The following RAB18 variants were observed in gnomAD, a reference collection of about 807,000 sequenced individuals.
RAB18 encodes the protein RAB18, member RAS oncogene family.
In RAB18, 10 loss-of-function variants were observed where a neutral mutation model predicts 28.5. The observed-to-expected ratio is 0.35, with a 90% CI of 0.22 to 0.60. RAB18 has a LOEUF of 0.60. Ranked by LOEUF, RAB18 falls within the 20% of genes least tolerant of loss-of-function variation. The pLI is 0.78. For missense variants in RAB18, 188 were observed against 244.2 expected (o/e 0.77, Z 1.53); for synonymous variants, 93 against 86.9 (o/e 1.07, Z -0.39).
Position 27,538,016 on chromosome 10 carries a change from G to A in RAB18, c.586G>A (p.Gly196Arg). ...KLSHREEGQG[G>R]GACGGYCSVL ...GTCACACAGGGAAGAAGGCCAAGGA[G>A]GAGGAGCCTGTGGTGGTTATTGCTC... Residue 196 changes from glycine to arginine, a missense_variant, in exon 7 of 7, where the codon GGA (glycine) becomes AGA (arginine). By Grantham distance (125) the Gly-to-Arg change is moderately radical. Transcript: ENST00000356940. The A allele has an allele frequency of 1.2e-6, 2 of 1,614,144 alleles. No homozygotes were observed. Among genetic ancestry groups the A allele is most frequent in the East Asian group, 2.2e-5 (1 of 44,878 alleles).
intron 2 of RAB18, among the ~76,000 whole-genome samples, chr10:27,514,488 G>T (rs1377416336): frequency 1.3e-5 from 2 of 152,008 alleles, no homozygotes; most frequent in African/African-American, 4.8e-5. Flanking sequence ...AAATGAAGAT[G>T]AAATTGAAAG....
At position 27,504,316 on chromosome 10, in the gene RAB18, G is replaced by T. The variant is rs1050875764; in HGVS notation, c.-54G>T. On this transcript the variant is annotated 5_prime_UTR_variant, in exon 1 of 7. Transcript: ENST00000356940. ...TGCGCAGCAGCTCACTCTGCTGAAG[G>T]GCTGAGAGGCGCACCCGGGCGGCCA... 4 of 1,528,790 alleles carry T rather than the reference G, an allele frequency of 2.6e-6. No homozygotes were observed. Among genetic ancestry groups the T allele is most frequent in the Admixed American group, 3.9e-5 (2 of 51,134 alleles). The allele number at this position is 1,528,790 out of a possible 1,614,324, so 94.7% of individuals were successfully genotyped here. A position where few individuals can be genotyped will look rare whatever the true frequency, so the allele number is the denominator to read the frequency against.
chr10:27,511,958 T>G (rs1834333336), intron 2 of RAB18, among the ~76,000 whole-genome samples: 1 of 152,150 alleles, frequency 6.6e-6, no homozygotes, highest in Admixed American at 6.5e-5. Flanking sequence ...AGAGCTCTTT[T>G]TTTTTCTTTT....
chr10:27,513,032 ATT>A lies in RAB18; in HGVS notation c.124+3117_124+3118del, dbSNP rs1554899531. ...GGTAATAACATATATATATATATATATTTTTTTTTTTTTTTTGGAGACAAGAG... is the reference window on the plus strand; with the variant it reads ...GGTAATAACATATATATATATATATATTTTTTTTTTTTTTGGAGACAAGAG... On this transcript the variant is annotated intron_variant, in intron 2 of 6. Coordinates refer to ENST00000356940, the MANE Select transcript of RAB18 (RefSeq NM_021252.5). Among the ~76,000 whole-genome samples, 182 of 142,480 alleles carry A rather than the reference ATT, an allele frequency of 1.3e-3. 1 individual carries two copies. Among genetic ancestry groups the A allele is most frequent in the African/African-American group, 4.0e-3 (153 of 38,534 alleles). The allele number at this position is 142,480 out of a possible 152,430, so 93.5% of individuals were successfully genotyped here. A position where few individuals can be genotyped will look rare whatever the true frequency, so the allele number is the denominator to read the frequency against.
intron 1 of RAB18, 27 bp from the exon 2 acceptor site, chr10:27,509,848 A>G: frequency 1.3e-6 from 2 of 1,593,826 alleles, no homozygotes; most frequent in Non-Finnish European, 1.7e-6. Context: ...TCAAGTTCCC[A>G]ACCTGTCTTT....
In RAB18 at chr10:27,538,898, T is replaced by C. The variant is rs1318555263; in HGVS notation, c.*847T>C. On this transcript the variant is annotated 3_prime_UTR_variant, in exon 7 of 7. Coordinates refer to ENST00000356940, the MANE Select transcript of RAB18 (RefSeq NM_021252.5). ...TGTTGGTAGTGTTTGTCCAGGTACCTTAACTGTAGCTTGTGTAATGTTGAT... is the reference window on the plus strand; with the variant it reads ...TGTTGGTAGTGTTTGTCCAGGTACCCTAACTGTAGCTTGTGTAATGTTGAT... 2.2e-6 allele frequency: 1 copy of C among 454,012 alleles called. No homozygotes were observed. The highest frequency in any genetic ancestry group is 6.9e-5 in the East Asian group (1 of 14,398). The allele number at this position is 454,012 out of a possible 1,614,324, so 28.1% of individuals were successfully genotyped here.
chr10:27,539,739 T>C lies in RAB18; in HGVS notation c.*1688T>C, dbSNP rs1382102823. The stretch of plus-strand genomic sequence containing the variant: ...GGTCTAAATTTGAATATATATGAGT[T>C]ACTTGAATATAACAAAAATGAATTT... On this transcript the variant is annotated 3_prime_UTR_variant, in exon 7 of 7. Coordinates refer to ENST00000356940, the MANE Select transcript of RAB18 (RefSeq NM_021252.5). The C allele has an allele frequency of 2.2e-6, 1 of 451,080 alleles. No homozygotes were observed. Among genetic ancestry groups the C allele is most frequent in the Admixed American group, 2.4e-5 (1 of 42,020 alleles). The allele number at this position is 451,080 out of a possible 1,614,324, so 27.9% of individuals were successfully genotyped here. A position where few individuals can be genotyped will look rare whatever the true frequency, so the allele number is the denominator to read the frequency against.
In RAB18 at chr10:27,540,354, T is replaced by C; in HGVS notation, c.*2303T>C. ...ATAGCTACTCAGTCACTGAGCTGGA[T>C]TCCAGTCATGGCATTTTTACTTCTG... On this transcript the variant is annotated 3_prime_UTR_variant, in exon 7 of 7. Coordinates refer to ENST00000356940, the MANE Select transcript of RAB18 (RefSeq NM_021252.5). 1 of 454,098 alleles carries C rather than the reference T, an allele frequency of 2.2e-6. No individual in the cohort carries two copies. The highest frequency in any genetic ancestry group is 1.6e-5 in the South Asian group (1 of 64,470). The allele number at this position is 454,098 out of a possible 1,614,324, so 28.1% of individuals were successfully genotyped here. A position where few individuals can be genotyped will look rare whatever the true frequency, so the allele number is the denominator to read the frequency against.
chr10:27,520,916 CAAAAAAAAAAAA>C lies in RAB18; in HGVS notation c.125-5898_125-5887del, dbSNP rs58688075. 8.0e-3 allele frequency among the ~76,000 whole-genome samples: 320 copies of C among 40,118 alleles called. 1 individual carries two copies. Among genetic ancestry groups the C allele is most frequent in the African/African-American group, 0.03 (308 of 10,180 alleles). 26.3% of individuals were successfully genotyped at this position (40,118 alleles called of 152,430 possible). A position where few individuals can be genotyped will look rare whatever the true frequency, so the allele number is the denominator to read the frequency against. On this transcript the variant is annotated intron_variant, in intron 2 of 6. Transcript: ENST00000356940. ...TGGGTGACAGAGCAAGACTCCATCT[CAAAAAAAAAAAA>C]AAAAAAAAAAAAAGAAAATTTTTTT...
chr10:27,541,922 G>T lies in RAB18; in HGVS notation c.*3871G>T. 2.2e-6 allele frequency: 1 copy of T among 453,064 alleles called. No homozygotes were observed. The highest frequency in any genetic ancestry group is 1.6e-5 in the South Asian group (1 of 64,400). The allele number at this position is 453,064 out of a possible 1,614,324, so 28.1% of individuals were successfully genotyped here. On this transcript the variant is annotated 3_prime_UTR_variant, in exon 7 of 7. Transcript: ENST00000356940. ...ATTAACCCAGTTACCTTTTAGCAGTGCCCCACTTCCCCAGTAGCAATGGTT... is the reference window on the plus strand; with the variant it reads ...ATTAACCCAGTTACCTTTTAGCAGTTCCCCACTTCCCCAGTAGCAATGGTT...
intron 1 of RAB18, chr10:27,505,017 A>T (rs1194112716): frequency 3.7e-6 from 2 of 533,406 alleles, no homozygotes; most frequent in Non-Finnish European, 7.7e-6. Flanking sequence ...CTGCTGGAAA[A>T]TTTCGCTTTA....
Position 27,539,896 on chromosome 10 carries a change from G to A in RAB18, c.*1845G>A, listed in dbSNP as rs186064414. 16 of 453,372 alleles carry A rather than the reference G, an allele frequency of 3.5e-5. No individual in the cohort carries two copies. Among genetic ancestry groups the A allele is most frequent in the Non-Finnish European group, 7.1e-5 (16 of 226,610 alleles). 28.1% of individuals were successfully genotyped at this position (453,372 alleles called of 1,614,324 possible). A position where few individuals can be genotyped will look rare whatever the true frequency, so the allele number is the denominator to read the frequency against. Reference sequence around the variant, plus strand: ...CATCAGCTGAAGAATATGTACTATTGTGTTACTCAAATTATGTGGCTTTCA... The same window carrying A: ...CATCAGCTGAAGAATATGTACTATTATGTTACTCAAATTATGTGGCTTTCA... On this transcript the variant is annotated 3_prime_UTR_variant, in exon 7 of 7. Transcript: ENST00000356940.
rs886046981 is a variant in RAB18, at chr10:27,541,978, A to G, written c.*3927A>G. ...GTAGGCACCTGACCCAGACCAGACT[A>G]CTGAGATAAAGATGTTTGCCTAGGC... On this transcript the variant is annotated 3_prime_UTR_variant, in exon 7 of 7. Transcript: ENST00000356940. The G allele has an allele frequency of 6.4e-5, 29 of 454,046 alleles. No homozygotes were observed. Among genetic ancestry groups the G allele is most frequent in the Admixed American group, 5.4e-4 (23 of 42,558 alleles). 28.1% of individuals were successfully genotyped at this position (454,046 alleles called of 1,614,324 possible).
chr10:27,532,617 A>C, intron 4 of RAB18, 38 bp downstream of exon 4: 1 of 1,467,032 alleles, frequency 6.8e-7, no homozygotes, highest in Non-Finnish European at 9.5e-7. Flanking sequence ...AAAAATATTT[A>C]TTGGAGTTTC....
intron 4 of RAB18, among the ~76,000 whole-genome samples, chr10:27,532,934 G>A (rs763953753): frequency 1.5e-4 from 23 of 152,040 alleles, no homozygotes; most frequent in Admixed American, 3.3e-4. Context: ...AAAAGTATTT[G>A]TTGATTAGTA....
In RAB18 at chr10:27,541,573, G is replaced by A. The variant is rs1363330692; in HGVS notation, c.*3522G>A. 6.6e-6 allele frequency: 3 copies of A among 453,150 alleles called. No individual in the cohort carries two copies. Among genetic ancestry groups the A allele is most frequent in the Non-Finnish European group, 8.8e-6 (2 of 226,682 alleles). The allele number at this position is 453,150 out of a possible 1,614,324, so 28.1% of individuals were successfully genotyped here. The stretch of plus-strand genomic sequence containing the variant: ...ACCTACACACATATTTTGAATAGTC[G>A]TGTGTTCATGCCTGTTCTCAGTCTT... On this transcript the variant is annotated 3_prime_UTR_variant, in exon 7 of 7. Transcript: ENST00000356940.
Position 27,513,166 on chromosome 10 carries a change from C to CTT in RAB18, c.124+3237_124+3238insTT, listed in dbSNP as rs1357737919. Among the ~76,000 whole-genome samples, 7 of 151,888 alleles carry CTT rather than the reference C, an allele frequency of 4.6e-5. No individual in the cohort carries two copies. The East Asian group carries it at 1.4e-3, about 29-fold the overall frequency. On this transcript the variant is annotated intron_variant, in intron 2 of 6. Transcript: ENST00000356940. ...TCTTCTGCCTCAGCCTCCCAAGAAG[C>CTT]TGGGATTGCAGGTGTGTGCCACCAT... is the stretch of plus-strand genomic sequence containing the variant.
At chr10:27,515,997 T>C (rs1284479730) in intron 2 of RAB18, among the ~76,000 whole-genome samples, 1 of 152,194 alleles carries the variant, frequency 6.6e-6, no homozygotes, top group Non-Finnish European at 1.5e-5. Flanking sequence ...TGTCTATTTT[T>C]GTTGTCTTTT....
chr10:27,517,217 G>A (rs974435048), intron 2 of RAB18, among the ~76,000 whole-genome samples: 2 of 151,988 alleles, frequency 1.3e-5, no homozygotes, highest in Admixed American at 6.6e-5. Flanking sequence ...ACAAAAATTA[G>A]CCAGGCATGG....
Sources: allele counts gnomAD v4.1 joint callset (sites outside exome capture counted in the v4.1 genomes callset), GRCh38; gene constraint gnomAD v4.1.1; transcripts MANE v1.5; gene names NCBI Gene and HGNC (gene_info 2026-07-23, HGNC 2026-07-21).